Variants in FILIP1L observed in about 807,000 individuals in gnomAD.
FILIP1L encodes filamin A interacting protein 1 like.
FILIP1L carries 55 observed loss-of-function variants against 96.6 expected under a neutral mutation model. The observed-to-expected ratio is 0.57, with a 90% CI of 0.46 to 0.71. The LOEUF is 0.71. Among genes scored for constraint, FILIP1L ranks in the 30% least tolerant of loss-of-function variants. The probability of loss-of-function intolerance (pLI) is 0.00; values close to 1 mark genes in which losing one functional copy is unlikely to be tolerated. For synonymous variants in FILIP1L, 467 were observed against 473.9 expected (o/e 0.99, Z 0.19); for missense variants, 1,304 against 1,321.2 (o/e 0.99, Z 0.20).
At chr3:100,112,563 A>G (rs2066509628) in intron 1 of FILIP1L, among the ~76,000 whole-genome samples, 1 of 152,262 alleles carries the variant, frequency 6.6e-6, no homozygotes, top group Admixed American at 6.5e-5. Context: ...ACAATTACAC[A>G]TGAACTTTAA....
chr3:100,091,202 G>A (rs1241374406), intron 1 of FILIP1L, among the ~76,000 whole-genome samples: 3 of 151,300 alleles, frequency 2.0e-5, no homozygotes, highest in Admixed American at 6.6e-5. Context: ...GGAGAATGGC[G>A]TGAACCTGGA....
In FILIP1L at chr3:99,897,004, T is replaced by C. The variant is rs534161481; in HGVS notation, c.605+27226A>G. ...GGAGAAAAGTGCTAGAGAGAATGAT[T>C]TGTTTCTCAGAACAAATTTTTTTTT... is the stretch of plus-strand genomic sequence containing the variant. On this transcript the variant is annotated intron_variant, in intron 4 of 5. Coordinates refer to ENST00000477258, the MANE Select transcript of FILIP1L (RefSeq NM_001387850.1). Among the ~76,000 whole-genome samples the C allele has an allele frequency of 5.6e-4, 85 of 152,306 alleles. 1 individual carries two copies. Among genetic ancestry groups the C allele is most frequent in the Middle Eastern group, 6.8e-3 (2 of 294 alleles).
chr3:100,001,329 C>T (rs935032842), intron 1 of FILIP1L, among the ~76,000 whole-genome samples: 3 of 152,160 alleles, frequency 2.0e-5, no homozygotes, highest in Admixed American at 6.5e-5. Context: ...GTTTCTGTGA[C>T]GCAGTGTCAG....
chr3:100,089,513 C>T (rs956018390), intron 1 of FILIP1L, among the ~76,000 whole-genome samples: 2 of 152,094 alleles, frequency 1.3e-5, no homozygotes, highest in Non-Finnish European at 1.5e-5. Context: ...TTTCTGCATC[C>T]ACCTATAAGT....
intron 1 of FILIP1L, among the ~76,000 whole-genome samples, chr3:100,103,313 G>A (rs114550817): frequency 0.017 from 2,616 of 152,302 alleles, 67 homozygotes; most frequent in African/African-American, 0.059. Context: ...TGCAGAACCC[G>A]AAGTCTTGAG....
chr3:100,037,835 A>C (rs1279861267), intron 1 of FILIP1L, among the ~76,000 whole-genome samples: 4 of 152,304 alleles, frequency 2.6e-5, no homozygotes, highest in African/African-American at 7.2e-5. Flanking sequence ...AAGACCTTTA[A>C]AAAACTAAAG....
chr3:99,967,886 G>C (rs913460187), intron 1 of FILIP1L, among the ~76,000 whole-genome samples: 9 of 152,158 alleles, frequency 5.9e-5, no homozygotes, highest in African/African-American at 1.9e-4. Context: ...CCTGGTATTA[G>C]CAAGGAGAAG....
chr3:99,983,514 A>G (rs1374240437), intron 1 of FILIP1L, among the ~76,000 whole-genome samples: 2 of 119,634 alleles, frequency 1.7e-5, no homozygotes, highest in Non-Finnish European at 3.4e-5. Flanking sequence ...ATATATGTAT[A>G]TATATACACA....
intron 1 of FILIP1L, among the ~76,000 whole-genome samples, chr3:100,101,852 C>G (rs575305468): frequency 1.3e-5 from 2 of 151,954 alleles, no homozygotes; most frequent in African/African-American, 4.8e-5. Context: ...TTCCCACCTA[C>G]GAGTGAGAAC....
At chr3:100,058,191 T>C (rs950817360) in intron 1 of FILIP1L, among the ~76,000 whole-genome samples, 3 of 152,252 alleles carry the variant, frequency 2.0e-5, no homozygotes, top group Non-Finnish European at 4.4e-5. Context: ...CTCTAGAGCC[T>C]ATGCTATTAC....
intron 4 of FILIP1L, among the ~76,000 whole-genome samples, chr3:99,897,312 G>A (rs566200908): frequency 1.3e-5 from 2 of 152,102 alleles, no homozygotes; most frequent in African/African-American, 4.8e-5. Flanking sequence ...GAGGTTGCAG[G>A]GAGCCGAGAT....
chr3:99,838,873 T>G (rs1396718705), intron 5 of FILIP1L, among the ~76,000 whole-genome samples: 1 of 152,200 alleles, frequency 6.6e-6, no homozygotes, highest in African/African-American at 2.4e-5. Context: ...TACCTCACTA[T>G]GCAGAAACCT....
At chr3:99,990,043 G>T (rs1054333568) in intron 1 of FILIP1L, among the ~76,000 whole-genome samples, 1 of 152,120 alleles carries the variant, frequency 6.6e-6, no homozygotes, top group Non-Finnish European at 1.5e-5. Context: ...CCCATAAAAT[G>T]ACTATTTTTG....
intron 1 of FILIP1L, among the ~76,000 whole-genome samples, chr3:100,076,213 C>T (rs1392812243): frequency 6.6e-6 from 1 of 152,152 alleles, no homozygotes; most frequent in Non-Finnish European, 1.5e-5. Flanking sequence ...TTTGTCACTG[C>T]TCAGTGGAGG....
intron 1 of FILIP1L, among the ~76,000 whole-genome samples, chr3:100,012,357 A>G (rs895198249): frequency 6.6e-6 from 1 of 152,060 alleles, no homozygotes; most frequent in Non-Finnish European, 1.5e-5. Context: ...GAGAATCTCT[A>G]GTTTTCTCAT....
At chr3:100,070,837 G>A (rs1400766815) in intron 1 of FILIP1L, among the ~76,000 whole-genome samples, 2 of 152,134 alleles carry the variant, frequency 1.3e-5, no homozygotes, top group Non-Finnish European at 2.9e-5. Context: ...CACCATGTTG[G>A]CCAGGATATT....
intron 1 of FILIP1L, among the ~76,000 whole-genome samples, chr3:100,038,685 G>A (rs2065151150): frequency 6.6e-6 from 1 of 152,040 alleles, no homozygotes. Flanking sequence ...CTTTTTAAAG[G>A]ACACGATCTC....
chr3:99,932,624 T>A (rs1707519643), intron 1 of FILIP1L, among the ~76,000 whole-genome samples: 1 of 152,210 alleles, frequency 6.6e-6, no homozygotes, highest in Non-Finnish European at 1.5e-5. Flanking sequence ...GCACAATGGC[T>A]CACACCTGTA....
At chr3:99,861,708 G>A (rs1166805314) in intron 4 of FILIP1L, among the ~76,000 whole-genome samples, 1 of 152,152 alleles carries the variant, frequency 6.6e-6, no homozygotes, top group Non-Finnish European at 1.5e-5. Context: ...GAGGGCAGGT[G>A]GAATGACTGA....
Sources: gnomAD v4.1 joint callset for allele counts (sites outside exome capture counted in the v4.1 genomes callset) on GRCh38, gnomAD v4.1.1 for gene constraint, MANE v1.5 for transcripts, NCBI Gene and HGNC (gene_info 2026-07-23, HGNC 2026-07-21) for gene names.